Variants in NXPE2 observed in about 807,000 individuals in gnomAD.
The protein encoded by NXPE2 is NXPE family member 2.
A neutral mutation model predicts 34.4 loss-of-function variants in NXPE2; 34 were observed. The observed-to-expected ratio is 0.99, with a 90% CI of 0.75 to 1.31. The LOEUF is 1.31. NXPE2 is among the 40% of genes most tolerant of loss of function. NXPE2 has a pLI of 0.00. For synonymous variants in NXPE2, 235 were observed against 231.3 expected (o/e 1.02, Z -0.15); for missense variants, 649 against 672.5 (o/e 0.97, Z 0.39).
At chr11:114,494,223 C>A in the NXPE2 span, among the ~76,000 whole-genome samples, 2 of 152,216 alleles carry the variant, frequency 1.3e-5, no homozygotes, top group East Asian at 3.9e-4. Context: ...CCTTTTTGTA[C>A]TTGAATATTG....
At chr11:114,670,227 T>C in the NXPE2 span, among the ~76,000 whole-genome samples, 53 of 152,046 alleles carry the variant, frequency 3.5e-4, no homozygotes, top group East Asian at 9.7e-3. Context: ...TAACAACAGA[T>C]GGAGAGAGCT....
chr11:114,723,671 T>G, the NXPE2 span, among the ~76,000 whole-genome samples: 2 of 152,092 alleles, frequency 1.3e-5, no homozygotes, highest in East Asian at 1.9e-4. Context: ...ACCACTCTTT[T>G]GACTAGTGCA....
chr11:114,704,266 G>T (rs567769592), intron 4 of NXPE2, among the ~76,000 whole-genome samples: 1 of 152,254 alleles, frequency 6.6e-6, no homozygotes, highest in African/African-American at 2.4e-5. Flanking sequence ...AGATATAAAA[G>T]GCTAGGGAAA....
chr11:114,685,109 A>T (rs527265321), intron 2 of NXPE2, among the ~76,000 whole-genome samples: 1 of 152,344 alleles, frequency 6.6e-6, no homozygotes, highest in South Asian at 2.1e-4. Flanking sequence ...AGAACAAGAT[A>T]TCTTAGGGTC....
At chr11:114,812,428 A>G in the NXPE2 span, among the ~76,000 whole-genome samples, 2 of 152,216 alleles carry the variant, frequency 1.3e-5, no homozygotes, top group African/African-American at 4.8e-5. Context: ...TGGCACTGGA[A>G]AGGGGCAAGC....
the NXPE2 span, among the ~76,000 whole-genome samples, chr11:114,635,351 G>C: frequency 1.9e-4 from 29 of 150,206 alleles, 1 homozygote; most frequent in Non-Finnish European, 3.6e-4. Context: ...TTATCAGCTT[G>C]AGGAGATTTT....
At chr11:114,647,328 T>C in the NXPE2 span, among the ~76,000 whole-genome samples, 1 of 152,208 alleles carries the variant, frequency 6.6e-6, no homozygotes, top group African/African-American at 2.4e-5. Context: ...TAAAGTTTTA[T>C]AAAATGAATT....
the NXPE2 span, among the ~76,000 whole-genome samples, chr11:114,651,652 A>C: frequency 6.6e-6 from 1 of 152,048 alleles, no homozygotes; most frequent in Non-Finnish European, 1.5e-5. Flanking sequence ...CAGACTTCTG[A>C]TTGGTCCGTT....
At chr11:114,700,351 C>T (rs1951342289) in intron 3 of NXPE2, among the ~76,000 whole-genome samples, 1 of 152,070 alleles carries the variant, frequency 6.6e-6, no homozygotes, top group Non-Finnish European at 1.5e-5. Context: ...TATTTTAAAA[C>T]GGTGTCAGGT....
chr11:114,650,939 T>G, the NXPE2 span, among the ~76,000 whole-genome samples: 1 of 152,104 alleles, frequency 6.6e-6, no homozygotes, highest in African/African-American at 2.4e-5. Context: ...CAGAGATGGC[T>G]GAGAGCACAT....
chr11:114,531,004 T>A, the NXPE2 span: 771 of 1,243,960 alleles, frequency 6.2e-4, 4 homozygotes, highest in African/African-American at 9.8e-3. Context: ...TGAATATTTG[T>A]ATAATTGAAT....
the NXPE2 span, among the ~76,000 whole-genome samples, chr11:114,742,349 G>A: frequency 2.6e-5 from 4 of 152,106 alleles, no homozygotes; most frequent in African/African-American, 9.7e-5. Flanking sequence ...GGTTAGCAAG[G>A]TCTGTGGCCT....
the NXPE2 span, among the ~76,000 whole-genome samples, chr11:114,474,189 G>A: frequency 1.3e-5 from 2 of 152,132 alleles, no homozygotes; most frequent in Non-Finnish European, 2.9e-5. Flanking sequence ...TGGATTTCAG[G>A]AGAAAGGTCA....
chr11:114,803,525 T>A, the NXPE2 span, among the ~76,000 whole-genome samples: 1 of 151,860 alleles, frequency 6.6e-6, no homozygotes, highest in Non-Finnish European at 1.5e-5. Context: ...TGGTGCCTTA[T>A]AGCTGTGTCA....
At chr11:114,575,884 C>A in the NXPE2 span, among the ~76,000 whole-genome samples, 1 of 152,060 alleles carries the variant, frequency 6.6e-6, no homozygotes, top group Non-Finnish European at 1.5e-5. Flanking sequence ...AAAGAGCCCA[C>A]ATAGACAAAG....
chr11:114,610,571 C>T, the NXPE2 span, among the ~76,000 whole-genome samples: 1 of 106,656 alleles, frequency 9.4e-6, no homozygotes, highest in South Asian at 3.2e-4. Context: ...CCACTGTTAC[C>T]CGGTGGATAA....
chr11:114,593,999 G>A, the NXPE2 span, among the ~76,000 whole-genome samples: 2 of 152,084 alleles, frequency 1.3e-5, no homozygotes, highest in African/African-American at 4.8e-5. Context: ...GAGTTAGAGA[G>A]TAGAATGATG....
the NXPE2 span, among the ~76,000 whole-genome samples, chr11:114,631,691 C>T: frequency 6.6e-6 from 1 of 151,076 alleles, no homozygotes; most frequent in East Asian, 1.9e-4. Context: ...AAAGTATTGC[C>T]TCGTGGGTAA....
chr11:114,616,973 T>C, the NXPE2 span, among the ~76,000 whole-genome samples: 1 of 146,910 alleles, frequency 6.8e-6, no homozygotes, highest in South Asian at 2.1e-4. Flanking sequence ...CGGTTTATTA[T>C]TAGTGTTTCC....
Sources: allele counts gnomAD v4.1 joint callset (sites outside exome capture counted in the v4.1 genomes callset), GRCh38; gene constraint gnomAD v4.1.1; transcripts MANE v1.5; gene names NCBI Gene and HGNC (gene_info 2026-07-23, HGNC 2026-07-21).